Variants in CCL28 observed in about 807,000 individuals in gnomAD.
CCL28 encodes the protein C-C motif chemokine 28.
A neutral mutation model predicts 7.1 loss-of-function variants in CCL28; 4 were observed. The observed-to-expected ratio is 0.56, with a 90% confidence interval of 0.28 to 1.29. CCL28 has a LOEUF of 1.29. CCL28 is among the 50% of genes most tolerant of loss of function. CCL28 has a pLI of 0.11. For synonymous variants in CCL28, 55 were observed against 57.8 expected (o/e 0.95, Z 0.22); for missense variants, 151 against 163.4 (o/e 0.92, Z 0.41).
the CCL28 span, among the ~76,000 whole-genome samples, chr5:43,358,844 C>T: frequency 6.6e-6 from 1 of 152,140 alleles, no homozygotes; most frequent in Non-Finnish European, 1.5e-5. Flanking sequence ...ATCATTTTTG[C>T]AAAGATTATG....
At chr5:43,361,423 C>T in the CCL28 span, among the ~76,000 whole-genome samples, 1 of 152,158 alleles carries the variant, frequency 6.6e-6, no homozygotes, top group Middle Eastern at 3.2e-3. Context: ...CAAATATTTT[C>T]TCCCATTCTG....
downstream of CCL28, chr5:43,377,507 A>AAC (rs1739927616): frequency 8.2e-6 from 1 of 121,548 alleles, no homozygotes; most frequent in South Asian, 2.4e-4. Context: ...AAAAAAAAAA[A>AAC]AGAAAGAAAG....
chr5:43,407,778 G>A lies in CCL28; in HGVS notation c.64+4475C>T, dbSNP rs1205347703. Among the ~76,000 whole-genome samples, 8 of 152,078 alleles carry A rather than the reference G, an allele frequency of 5.3e-5. 1 individual carries two copies. The highest frequency in any genetic ancestry group is 5.2e-4 in the Admixed American group (8 of 15,270). Reference sequence around the variant, plus strand: ...AGGGCTAATATCCAGAATCTACAAAGAACTTAAACAAATTTACAAGAAAAA... The same window carrying A: ...AGGGCTAATATCCAGAATCTACAAAAAACTTAAACAAATTTACAAGAAAAA... On this transcript the variant is annotated intron_variant, in intron 1 of 2. Coordinates refer to ENST00000361115, the MANE Select transcript of CCL28 (RefSeq NM_148672.3).
chr5:43,378,581 G>A (rs1739981440), downstream of CCL28, among the ~76,000 whole-genome samples: 1 of 152,136 alleles, frequency 6.6e-6, no homozygotes, highest in South Asian at 2.1e-4. Flanking sequence ...TTTACTCTTA[G>A]TACAATAATA....
At chr5:43,383,588 AAAAC>A (rs1230710000) in intron 2 of CCL28, among the ~76,000 whole-genome samples, 1 of 152,212 alleles carries the variant, frequency 6.6e-6, no homozygotes, top group Non-Finnish European at 1.5e-5. Context: ...GTCTTAAAAA[AAAAC>A]AAACAGCCTA....
intron 1 of CCL28, among the ~76,000 whole-genome samples, 185 bp from the exon 2 acceptor site, chr5:43,388,661 AAG>A (rs1740439647): frequency 6.6e-6 from 1 of 152,208 alleles, no homozygotes; most frequent in African/African-American, 2.4e-5. Flanking sequence ...ATATTTGTGA[AAG>A]AGAAAATGTA....
In CCL28 at chr5:43,380,797, G is replaced by A. The variant is rs902220361; in HGVS notation, c.*1063C>T. On this transcript the variant is annotated 3_prime_UTR_variant, in exon 3 of 3. Transcript: ENST00000361115. Reference sequence around the variant, plus strand: ...CACTCCAGCCTGGAAGACACAGCAAGACCCTCCCTCAACAAAATAATTTTA... The same window carrying A: ...CACTCCAGCCTGGAAGACACAGCAAAACCCTCCCTCAACAAAATAATTTTA... 1.4e-4 allele frequency: 21 copies of A among 151,684 alleles called. No individual in the cohort carries two copies. The highest frequency in any genetic ancestry group is 5.1e-4 in the African/African-American group (21 of 41,330). The allele number at this position is 151,684 out of a possible 1,614,324, so 9.4% of individuals were successfully genotyped here. A position where few individuals can be genotyped will look rare whatever the true frequency, so the allele number is the denominator to read the frequency against.
intron 1 of CCL28, among the ~76,000 whole-genome samples, chr5:43,394,972 A>G (rs1232511715): frequency 6.6e-6 from 1 of 151,326 alleles, no homozygotes; most frequent in Admixed American, 6.6e-5. Flanking sequence ...AAATTAATCT[A>G]TACTTTTATA....
At chr5:43,360,172 A>T in the CCL28 span, among the ~76,000 whole-genome samples, 4 of 152,208 alleles carry the variant, frequency 2.6e-5, no homozygotes, top group Non-Finnish European at 5.9e-5. Flanking sequence ...TCCTGCACAA[A>T]TGAAAACTCA....
downstream of CCL28, among the ~76,000 whole-genome samples, chr5:43,372,600 C>T (rs1159261398): frequency 6.6e-6 from 1 of 151,760 alleles, no homozygotes. Context: ...AACTCCTGAC[C>T]TCAACTGATT....
rs1293971566 is a variant in CCL28, at chr5:43,388,350, A to G, written c.191T>C (p.Ile64Thr). Reference sequence around the variant, plus strand: ...GACCTCCCGGCTGATGAGCACTCACATGACAGCAGCCAAGTCACAATCCCC... The same window carrying G: ...GACCTCCCGGCTGATGAGCACTCACGTGACAGCAGCCAAGTCACAATCCCC... ...ADGDCDLAAV[I>T]LHVKRRRICV... Residue 64 changes from isoleucine to threonine, a missense_variant and splice_region_variant, in exon 2 of 3, where the codon ATC becomes ACC. Coordinates refer to ENST00000361115, the MANE Select transcript of CCL28 (RefSeq NM_148672.3). 2 of 1,614,150 alleles carry G rather than the reference A, an allele frequency of 1.2e-6. No homozygotes were observed. Among genetic ancestry groups the G allele is most frequent in the Non-Finnish European group, 8.5e-7 (1 of 1,180,006 alleles).
chr5:43,386,020 G>A (rs563998520), intron 2 of CCL28, among the ~76,000 whole-genome samples: 1 of 152,112 alleles, frequency 6.6e-6, no homozygotes, highest in East Asian at 1.9e-4. Context: ...TTTTCTCCAA[G>A]CCTTTCTGGG....
intron 1 of CCL28, among the ~76,000 whole-genome samples, chr5:43,406,263 A>G (rs560989399): frequency 2.0e-5 from 3 of 152,178 alleles, no homozygotes; most frequent in Admixed American, 6.5e-5. Flanking sequence ...ACACTCACAA[A>G]CCAAATCCAG....
At chr5:43,411,913 G>A (rs1741548433) in intron 1 of CCL28, among the ~76,000 whole-genome samples, 3 of 152,344 alleles carry the variant, frequency 2.0e-5, no homozygotes, top group Middle Eastern at 3.4e-3. Context: ...GAGGAAGACA[G>A]ATGAATAGTA....
Position 43,381,623 on chromosome 5 carries a change from G to C in CCL28, c.*237C>G. On this transcript the variant is annotated 3_prime_UTR_variant, in exon 3 of 3. Coordinates refer to ENST00000361115, the MANE Select transcript of CCL28 (RefSeq NM_148672.3). The stretch of plus-strand genomic sequence containing the variant: ...GATCCTCCTGCCTCAGCCTCCCGAA[G>C]TGCTGGGATAAAAGGTGTGAACCAC... 1 of 402,426 alleles carries C rather than the reference G, an allele frequency of 2.5e-6. No individual in the cohort carries two copies. The highest frequency in any genetic ancestry group is 4.4e-6 in the Non-Finnish European group (1 of 226,618). The allele number at this position is 402,426 out of a possible 1,614,324, so 24.9% of individuals were successfully genotyped here. A position where few individuals can be genotyped will look rare whatever the true frequency, so the allele number is the denominator to read the frequency against.
chr5:43,407,161 C>G (rs1488837677), intron 1 of CCL28, among the ~76,000 whole-genome samples: 2 of 152,068 alleles, frequency 1.3e-5, no homozygotes, highest in Non-Finnish European at 2.9e-5. Context: ...CATATGGAAC[C>G]AAAAAGGAGC....
rs909530171 is a variant in CCL28, at chr5:43,379,976, G to A, written c.*1884C>T. The A allele has an allele frequency of 6.6e-6, 1 of 152,042 alleles. No homozygotes were observed. The highest frequency in any genetic ancestry group is 2.4e-5 in the African/African-American group (1 of 41,396). The allele number at this position is 152,042 out of a possible 1,614,324, so 9.4% of individuals were successfully genotyped here. On this transcript the variant is annotated 3_prime_UTR_variant, in exon 3 of 3. Coordinates refer to ENST00000361115, the MANE Select transcript of CCL28 (RefSeq NM_148672.3). ...CTCTACTAAAAATACAAAAATCAGC[G>A]GGGTGTGGTGGCTGGGCGCCTGTAA...
In CCL28 at chr5:43,380,956, A is replaced by G. The variant is rs1191967052; in HGVS notation, c.*904T>C. On this transcript the variant is annotated 3_prime_UTR_variant, in exon 3 of 3. Coordinates refer to ENST00000361115, the MANE Select transcript of CCL28 (RefSeq NM_148672.3). ...AAAAAAACTACATAAAATGCTCTCT[A>G]AATAGTTGGGAAAATTTGAATATGG... is the stretch of plus-strand genomic sequence containing the variant. 1 of 152,148 alleles carries G rather than the reference A, an allele frequency of 6.6e-6. No individual in the cohort carries two copies. The highest frequency in any genetic ancestry group is 1.5e-5 in the Non-Finnish European group (1 of 68,022). 9.4% of individuals were successfully genotyped at this position (152,148 alleles called of 1,614,324 possible). A position where few individuals can be genotyped will look rare whatever the true frequency, so the allele number is the denominator to read the frequency against.
intron 1 of CCL28, among the ~76,000 whole-genome samples, chr5:43,404,926 C>T (rs1020367030): frequency 2.6e-4 from 39 of 152,158 alleles, no homozygotes; most frequent in Non-Finnish European, 1.2e-4. Flanking sequence ...CATTACATAA[C>T]GGTAAAGGTA....
Sources: allele counts gnomAD v4.1 joint callset (sites outside exome capture counted in the v4.1 genomes callset), GRCh38; gene constraint gnomAD v4.1.1; transcripts MANE v1.5; gene names NCBI Gene and HGNC (gene_info 2026-07-23, HGNC 2026-07-21).